Variants in CAMK1D observed in about 807,000 individuals in gnomAD.
CAMK1D encodes calcium/calmodulin dependent protein kinase ID, also known as calcium/calmodulin-dependent protein kinase type 1D.
Under a neutral mutation model 47.7 loss-of-function variants are expected in CAMK1D, and 9 were observed. The ratio of observed to expected loss-of-function variants is 0.19; its 90% CI spans 0.11 to 0.33. The LOEUF (loss-of-function observed/expected upper bound fraction) is 0.33. CAMK1D is among the 10% of genes least tolerant of loss of function. The pLI is 1.00. For synonymous variants in CAMK1D, 184 were observed against 184.9 expected (o/e 0.99, Z 0.04); for missense variants, 291 against 488.7 (o/e 0.60, Z 3.81).
chr10:12,511,570 C>T (rs1330583937), intron 1 of CAMK1D, among the ~76,000 whole-genome samples: 2 of 152,152 alleles, frequency 1.3e-5, no homozygotes, highest in Admixed American at 6.6e-5. Context: ...GTGATCGCTC[C>T]ACCACACTCT....
intron 1 of CAMK1D, among the ~76,000 whole-genome samples, chr10:12,457,618 T>C (rs1340184681): frequency 6.6e-6 from 1 of 151,362 alleles, no homozygotes; most frequent in African/African-American, 2.4e-5. Flanking sequence ...TTATCTCTAC[T>C]AAAAATACAA....
intron 2 of CAMK1D, among the ~76,000 whole-genome samples, chr10:12,637,065 G>A (rs534434699): frequency 1.4e-3 from 220 of 152,076 alleles, no homozygotes; most frequent in South Asian, 4.2e-3. Flanking sequence ...TCCACCTCCC[G>A]GGCTCAAGCC....
intron 1 of CAMK1D, among the ~76,000 whole-genome samples, chr10:12,399,851 A>G (rs941864888): frequency 1.3e-5 from 2 of 152,214 alleles, no homozygotes; most frequent in African/African-American, 4.8e-5. Flanking sequence ...AGTTTCTTCA[A>G]GCATGAGTTG....
intron 2 of CAMK1D, among the ~76,000 whole-genome samples, chr10:12,566,853 C>A (rs1219841880): frequency 2.0e-5 from 3 of 152,154 alleles, no homozygotes; most frequent in African/African-American, 4.8e-5. Context: ...TTCAGAAATT[C>A]CCCTGGTGAT....
intron 1 of CAMK1D, among the ~76,000 whole-genome samples, chr10:12,548,619 C>T (rs1017465110): frequency 6.6e-6 from 1 of 151,746 alleles, no homozygotes; most frequent in Non-Finnish European, 1.5e-5. Context: ...TGTACACCAC[C>T]GTACCTGGCT....
chr10:12,607,211 C>G (rs898534102), intron 2 of CAMK1D, among the ~76,000 whole-genome samples: 2 of 152,176 alleles, frequency 1.3e-5, no homozygotes, highest in African/African-American at 4.8e-5. Flanking sequence ...CCCATTTATG[C>G]TTCTTTCCCT....
intron 2 of CAMK1D, among the ~76,000 whole-genome samples, chr10:12,600,410 C>T (rs1838267353): frequency 6.6e-6 from 1 of 152,182 alleles, no homozygotes; most frequent in African/African-American, 2.4e-5. Context: ...AGTCCCTACT[C>T]GGTAACCTAC....
chr10:12,369,905 G>A (rs1588413624), intron 1 of CAMK1D, among the ~76,000 whole-genome samples: 1 of 150,700 alleles, frequency 6.6e-6, no homozygotes, highest in Non-Finnish European at 1.5e-5. Context: ...GCAGTGAGCT[G>A]AGATCACGTC....
At chr10:12,791,029 A>G in intron 5 of CAMK1D, 129 bp from the exon 6 acceptor site, 1 of 732,846 alleles carries the variant, frequency 1.4e-6, no homozygotes. Flanking sequence ...AACACATAAA[A>G]TGGGTTATGT....
At chr10:12,616,689 T>C (rs1016685102) in intron 2 of CAMK1D, among the ~76,000 whole-genome samples, 4 of 152,058 alleles carry the variant, frequency 2.6e-5, no homozygotes, top group African/African-American at 9.7e-5. Context: ...GGCTAATTTT[T>C]TCTATTTGTA....
At chr10:12,805,104 C>T (rs1471215635) in intron 6 of CAMK1D, among the ~76,000 whole-genome samples, 1 of 151,526 alleles carries the variant, frequency 6.6e-6, no homozygotes, top group East Asian at 2.0e-4. Context: ...ACTAAAAATA[C>T]AAAAATTAGC....
At chr10:12,436,568 G>A (rs1056762418) in intron 1 of CAMK1D, among the ~76,000 whole-genome samples, 3 of 152,176 alleles carry the variant, frequency 2.0e-5, no homozygotes, top group African/African-American at 7.2e-5. Context: ...AAGTCTTTGG[G>A]GGCAGAGGTT....
Position 12,819,947 on chromosome 10 carries a change from G to C in CAMK1D, c.833+3619G>C, listed in dbSNP as rs562849653. On this transcript the variant is annotated intron_variant, in intron 8 of 10. Coordinates refer to ENST00000619168, the MANE Select transcript of CAMK1D (RefSeq NM_153498.4). The stretch of plus-strand genomic sequence containing the variant: ...GGCAGAGTGAGGTAAGGAAGAGAAG[G>C]GTCTAGGATTATTCCCAAGTTTCCA... 2.6e-5 allele frequency among the ~76,000 whole-genome samples: 4 copies of C among 152,286 alleles called. No individual in the cohort carries two copies. The South Asian group carries it at 8.3e-4, about 32-fold the overall frequency.
Position 12,743,353 on chromosome 10 carries a change from A to G in CAMK1D, c.300-17595A>G, listed in dbSNP as rs1835518755. Reference sequence around the variant, plus strand: ...CAGGGTAAGACCCTGTCTCAAAAAAAAAAAAAGAAAAAAGAAAAAAAGAAA... The same window carrying G: ...CAGGGTAAGACCCTGTCTCAAAAAAGAAAAAAGAAAAAAGAAAAAAAGAAA... On this transcript the variant is annotated intron_variant, in intron 3 of 10. Coordinates refer to ENST00000619168, the MANE Select transcript of CAMK1D (RefSeq NM_153498.4). 2.0e-5 allele frequency among the ~76,000 whole-genome samples: 3 copies of G among 149,698 alleles called. No homozygotes were observed. The South Asian group carries it at 6.3e-4, about 32-fold the overall frequency.
intron 8 of CAMK1D, among the ~76,000 whole-genome samples, chr10:12,822,041 A>G (rs1435344505): frequency 6.6e-6 from 1 of 152,180 alleles, no homozygotes; most frequent in Non-Finnish European, 1.5e-5. Flanking sequence ...GCGTTGCCTA[A>G]GTGTGTGTAT....
chr10:12,626,341 A>G (rs907192409), intron 2 of CAMK1D, among the ~76,000 whole-genome samples: 2 of 152,162 alleles, frequency 1.3e-5, no homozygotes. Flanking sequence ...AAAATCAAAT[A>G]GTGTCGCTAG....
chr10:12,611,588 C>CTTTTTTTTT lies in CAMK1D; in HGVS notation c.225-55135_225-55127dup, dbSNP rs71386105. Among the ~76,000 whole-genome samples the CTTTTTTTTT allele has an allele frequency of 2.8e-4, 17 of 59,950 alleles. 1 individual carries two copies. The highest frequency in any genetic ancestry group is 2.5e-3 in the South Asian group (3 of 1,190). The allele number at this position is 59,950 out of a possible 152,430, so 39.3% of individuals were successfully genotyped here. A position where few individuals can be genotyped will look rare whatever the true frequency, so the allele number is the denominator to read the frequency against. ...CAGTTCCCTGAATGTTTCAGAATGC[C>CTTTTTTTTT]TTTTTTTTTTTTTTTTTTTTTGAGA... On this transcript the variant is annotated intron_variant, in intron 2 of 10. Transcript: ENST00000619168.
intron 1 of CAMK1D, among the ~76,000 whole-genome samples, chr10:12,536,133 A>C (rs780132378): frequency 1.3e-5 from 2 of 151,970 alleles, no homozygotes; most frequent in Non-Finnish European, 2.9e-5. Flanking sequence ...TTTCAAATTT[A>C]CCCAAAAGTG....
At chr10:12,570,855 G>A (rs1300333190) in intron 2 of CAMK1D, among the ~76,000 whole-genome samples, 1 of 152,130 alleles carries the variant, frequency 6.6e-6, no homozygotes, top group East Asian at 1.9e-4. Flanking sequence ...AGGAGGCTGA[G>A]AGAGGAGAAT....
Sources: allele counts gnomAD v4.1 joint callset (sites outside exome capture counted in the v4.1 genomes callset), GRCh38; gene constraint gnomAD v4.1.1; transcripts MANE v1.5; gene names NCBI Gene and HGNC (gene_info 2026-07-23, HGNC 2026-07-21).